The following GCLC variants were observed in gnomAD, a reference collection of about 807,000 sequenced individuals.
GCLC encodes the protein glutamate--cysteine ligase catalytic subunit.
GCLC carries 30 observed loss-of-function variants against 81.5 expected under a neutral mutation model. The observed-to-expected ratio is 0.37, with a 90% CI of 0.28 to 0.50. GCLC has a LOEUF of 0.50. Among genes scored for constraint, GCLC ranks in the 20% least tolerant of loss-of-function variants. GCLC has a pLI of 0.96. For synonymous variants in GCLC, 262 were observed against 273.3 expected (o/e 0.96, Z 0.41); for missense variants, 556 against 777.4 (o/e 0.72, Z 3.39).
In GCLC at chr6:53,506,787, G is replaced by T; in HGVS notation, c.1197+126C>A. ...GAAAGTCTTATGAAATTTCTTTTGTGTTCTCCACAGGTACAGAAAACTGCC... is the reference window on the plus strand; with the variant it reads ...GAAAGTCTTATGAAATTTCTTTTGTTTTCTCCACAGGTACAGAAAACTGCC... On this transcript the variant is annotated intron_variant, in intron 10 of 15. Coordinates refer to ENST00000650454, the MANE Select transcript of GCLC (RefSeq NM_001498.4). The surrounding 1 kb of genome is among the most constrained non-coding windows in gnomAD (Gnocchi z 4.0). The T allele has an allele frequency of 1.5e-6, 1 of 682,146 alleles. No homozygotes were observed. The highest frequency in any genetic ancestry group is 2.7e-6 in the Non-Finnish European group (1 of 373,462). 42.3% of individuals were successfully genotyped at this position (682,146 alleles called of 1,614,324 possible). A position where few individuals can be genotyped will look rare whatever the true frequency, so the allele number is the denominator to read the frequency against.
chr6:53,498,700 G>C lies in GCLC; in HGVS notation c.*56C>G. On this transcript the variant is annotated 3_prime_UTR_variant, in exon 16 of 16. Transcript: ENST00000650454. ...CATATTATACACACGGGCTGGCTGAGAGGCATGGTACTGTAGCCAGTTCGT... is the reference window on the plus strand; with the variant it reads ...CATATTATACACACGGGCTGGCTGACAGGCATGGTACTGTAGCCAGTTCGT... 9.4e-7 allele frequency: 1 copy of C among 1,065,516 alleles called. No individual in the cohort carries two copies. Among genetic ancestry groups the C allele is most frequent in the Non-Finnish European group, 1.5e-6 (1 of 682,484 alleles). 66.0% of individuals were successfully genotyped at this position (1,065,516 alleles called of 1,614,324 possible).
rs1356333112 is a variant in GCLC at position 53,498,912 on chromosome 6, G to A, written c.1758C>T (p.Asp586=). ...WMREFIANHP[D]YKQDSVITDE... ...CAGTTATGACACTGTCTTGCTTGTA[G>A]TCAGGATGGTTTGCGATAAACTCCC... The change falls in exon 16 of 16, where the codon GAC becomes GAT. Residue 586 remains aspartate (D), a synonymous_variant. Transcript: ENST00000650454. The A allele has an allele frequency of 3.7e-6, 6 of 1,613,382 alleles. No individual in the cohort carries two copies. The highest frequency in any genetic ancestry group is 5.1e-6 in the Non-Finnish European group (6 of 1,179,638).
chr6:53,512,587 C>G (rs1764774999), intron 6 of GCLC, among the ~76,000 whole-genome samples: 1 of 152,092 alleles, frequency 6.6e-6, no homozygotes, highest in Non-Finnish European at 1.5e-5. Context: ...AAATTCATTT[C>G]ATGTGCCACA....
At chr6:53,499,880 TTA>T (rs1301384418) in intron 15 of GCLC, among the ~76,000 whole-genome samples, 163 bp downstream of exon 15, 5 of 152,162 alleles carry the variant, frequency 3.3e-5, no homozygotes, top group Non-Finnish European at 7.4e-5. Context: ...CTAATCTAAA[TTA>T]TGAGTGTCAA....
chr6:53,510,207 A>G (rs1185716990), intron 6 of GCLC: 2 of 152,266 alleles, frequency 1.3e-5, no homozygotes, highest in East Asian at 3.9e-4. Context: ...TGATGGACTT[A>G]CGAGGCCAAG....
intron 1 of GCLC, among the ~76,000 whole-genome samples, chr6:53,532,843 C>T (rs1763195693): frequency 1.3e-5 from 2 of 152,226 alleles, no homozygotes; most frequent in South Asian, 4.1e-4. Flanking sequence ...TTTGGGGGCT[C>T]TTTCGTAGTA....
At chr6:53,542,399 G>A (rs1000701065) in intron 1 of GCLC, among the ~76,000 whole-genome samples, 1 of 152,102 alleles carries the variant, frequency 6.6e-6, no homozygotes, top group African/African-American at 2.4e-5. Flanking sequence ...GTACTTCAAG[G>A]CTCTACTCTT....
At chr6:53,511,174 CA>C (rs1487728717) in intron 6 of GCLC, among the ~76,000 whole-genome samples, 2 of 117,944 alleles carry the variant, frequency 1.7e-5, no homozygotes, top group African/African-American at 6.8e-5. Context: ...TAGTGCTTAA[CA>C]AATGAGAATC....
Position 53,505,272 on chromosome 6 carries a change from C to T in GCLC, c.1395+120G>A, listed in dbSNP as rs1248056655. 7 of 690,414 alleles carry T rather than the reference C, an allele frequency of 1.0e-5. No homozygotes were observed. In the East Asian group the frequency reaches 1.4e-4, roughly 13 times the overall value. The allele number at this position is 690,414 out of a possible 1,614,324, so 42.8% of individuals were successfully genotyped here. On this transcript the variant is annotated intron_variant, in intron 12 of 15. Coordinates refer to ENST00000650454, the MANE Select transcript of GCLC (RefSeq NM_001498.4). The stretch of plus-strand genomic sequence containing the variant: ...ATAAAGAATAGGGCTGATGGAGAAA[C>T]ATTTTATTGCAAAGGGTAAACAATT...
chr6:53,517,069 T>TA (rs1290156437), intron 3 of GCLC, among the ~76,000 whole-genome samples: 23 of 109,180 alleles, frequency 2.1e-4, no homozygotes, highest in Admixed American at 3.3e-4. Flanking sequence ...CTCATATCTT[T>TA]TAAAAAAAAA....
chr6:53,499,066 G>T (rs1764446396), intron 15 of GCLC, 99 bp from the exon 16 acceptor site: 1 of 783,280 alleles, frequency 1.3e-6, no homozygotes, highest in African/African-American at 1.7e-5. Context: ...ATTCTGGAGA[G>T]AAATCAATAT....
intron 1 of GCLC, among the ~76,000 whole-genome samples, chr6:53,537,614 AAAATAAAT>A (rs200187470): frequency 6.0e-5 from 9 of 149,156 alleles, no homozygotes; most frequent in South Asian, 2.1e-4. Context: ...ACCCTGTCTC[AAAATAAAT>A]AAATAAATAA....
rs930205765 is a variant in GCLC, at chr6:53,516,016, G to A, written c.560+93C>T. 1.8e-5 allele frequency: 14 copies of A among 796,228 alleles called. No individual in the cohort carries two copies. The African/African-American group carries it at 2.4e-4, about 13-fold the overall frequency. 49.3% of individuals were successfully genotyped at this position (796,228 alleles called of 1,614,324 possible). On this transcript the variant is annotated intron_variant, in intron 4 of 15. Transcript: ENST00000650454. ...GGAAGAGAGCCAAAACTCAGTTAAT[G>A]CTCAAAAAGGATTTCTAGACAGAAA... is the stretch of plus-strand genomic sequence containing the variant.
At chr6:53,531,318 C>G (rs1763167779) in intron 1 of GCLC, among the ~76,000 whole-genome samples, 1 of 152,124 alleles carries the variant, frequency 6.6e-6, no homozygotes. Context: ...ATATGTCACT[C>G]ATGGGAAGGG....
rs1763419759 is a variant in GCLC at position 53,544,704 on chromosome 6, C to A, written c.-59G>T. On this transcript the variant is annotated 5_prime_UTR_variant, in exon 1 of 16. Transcript: ENST00000650454. ...GCTGACGGCGGTCGCCCGCTCCGGG[C>A]GCGAGACGGACACTCAGCCGCCCGC... 5.3e-6 allele frequency: 8 copies of A among 1,511,662 alleles called. No homozygotes were observed. Among genetic ancestry groups the A allele is most frequent in the African/African-American group, 2.8e-5 (2 of 71,696 alleles). 93.6% of individuals were successfully genotyped at this position (1,511,662 alleles called of 1,614,324 possible).
At position 53,506,939 on chromosome 6, in the gene GCLC, C is replaced by A. The variant is rs771703273; in HGVS notation, c.1171G>T (p.Asp391Tyr). The change falls in exon 10 of 16, where the codon GAT (aspartate) becomes TAT (tyrosine). Residue 391 changes from aspartate to tyrosine, a missense_variant. Around this residue, in one of 3 missense-constraint regions of GCLC, gnomAD observed 313 missense variants for 437.3 expected, o/e 0.72. Transcript: ENST00000650454. This position sits in a 1 kb window ranked among gnomAD's most constrained non-coding sequence, Gnocchi z 4.0. ...TCAAAATGGTCAGACTCATTAGCAT[C>A]ATCCAGGTGTATTTTCTCTTCAAAC... ...TLFEEKIHLD[D>Y]ANESDHFENI... The A allele has an allele frequency of 1.3e-6, 2 of 1,591,502 alleles. No individual in the cohort carries two copies. Among genetic ancestry groups the A allele is most frequent in the Non-Finnish European group, 1.7e-6 (2 of 1,159,444 alleles).
intron 1 of GCLC, among the ~76,000 whole-genome samples, chr6:53,526,609 T>A (rs549862215): frequency 6.6e-6 from 1 of 151,910 alleles, no homozygotes; most frequent in Admixed American, 6.6e-5. Flanking sequence ...CCATCCTGGC[T>A]AACACGGTGA....
intron 1 of GCLC, among the ~76,000 whole-genome samples, chr6:53,540,329 G>A (rs9474588): frequency 0.62 from 85,514 of 137,538 alleles, 25,949 homozygotes; most frequent in South Asian, 0.71. Context: ...CCTCAAAAAA[G>A]AAAAAAAAAA....
At chr6:53,514,926 G>GGATTAATAAT (rs566945556) in intron 4 of GCLC, among the ~76,000 whole-genome samples, 100 of 152,280 alleles carry the variant, frequency 6.6e-4, no homozygotes, top group South Asian at 2.5e-3. Flanking sequence ...CATCTCTGCA[G>GGATTAATAAT]GATTAATAAT....
Sources: gnomAD v4.1 joint callset for allele counts (sites outside exome capture counted in the v4.1 genomes callset) on GRCh38, gnomAD v4.1.1 for gene constraint, gnomAD v4.1.1 regional missense constraint, Gnocchi (gnomAD v3.1) non-coding constraint, MANE v1.5 for transcripts, NCBI Gene and HGNC (gene_info 2026-07-23, HGNC 2026-07-21) for gene names.